NCKAP5: variants seen among roughly 807,000 people sequenced by gnomAD.
The protein encoded by NCKAP5 is nck-associated protein 5.
NCKAP5 carries 92 observed loss-of-function variants against 167.0 expected under a neutral mutation model. The observed-to-expected ratio is 0.55, with a 90% CI of 0.47 to 0.66. The LOEUF (loss-of-function observed/expected upper bound fraction) is 0.66. NCKAP5 is among the 30% of genes least tolerant of loss of function. The pLI, the probability that NCKAP5 is intolerant of heterozygous loss-of-function variation, is 0.00. For synonymous variants in NCKAP5, 891 were observed against 877.4 expected (o/e 1.02, Z -0.27); for missense variants, 2,378 against 2,315.0 (o/e 1.03, Z -0.56).
intron 3 of NCKAP5, among the ~76,000 whole-genome samples, chr2:133,399,903 C>T (rs907966662): frequency 6.6e-6 from 1 of 152,052 alleles, no homozygotes; most frequent in Non-Finnish European, 1.5e-5. Flanking sequence ...CAGAAAAGTT[C>T]CATTGATATT....
intron 12 of NCKAP5, among the ~76,000 whole-genome samples, chr2:132,791,115 C>G (rs746168453): frequency 4.6e-5 from 7 of 152,150 alleles, no homozygotes; most frequent in Non-Finnish European, 8.8e-5. Flanking sequence ...CTTTAATGTC[C>G]TCTTTATAGA....
At chr2:133,530,564 G>A (rs916836986) in intron 2 of NCKAP5, among the ~76,000 whole-genome samples, 5 of 152,106 alleles carry the variant, frequency 3.3e-5, no homozygotes, top group Non-Finnish European at 7.3e-5. Context: ...ACATGAAATG[G>A]GTAGTAGATT....
intron 3 of NCKAP5, among the ~76,000 whole-genome samples, chr2:133,354,388 T>C (rs2150832026): frequency 6.6e-6 from 1 of 151,834 alleles, no homozygotes; most frequent in South Asian, 2.1e-4. Context: ...TCCCAGTAGA[T>C]GGGGCAACAG....
intron 11 of NCKAP5, among the ~76,000 whole-genome samples, chr2:132,827,625 A>ACCTTGT (rs1687222188): frequency 6.6e-6 from 1 of 152,146 alleles, no homozygotes; most frequent in Admixed American, 6.5e-5. Context: ...GGGATAAAAT[A>ACCTTGT]CCTTGTCCAA....
At chr2:133,348,750 G>C (rs1018307099) in intron 3 of NCKAP5, among the ~76,000 whole-genome samples, 1 of 152,120 alleles carries the variant, frequency 6.6e-6, no homozygotes, top group African/African-American at 2.4e-5. Context: ...TGGTTAATAA[G>C]TGAAGGACAA....
Position 133,382,448 on chromosome 2 carries a change from T to G in NCKAP5, c.70-79338A>C, listed in dbSNP as rs561280576. On this transcript the variant is annotated intron_variant, in intron 3 of 19. Coordinates refer to ENST00000409261, the MANE Select transcript of NCKAP5 (RefSeq NM_207363.3). ...CAATACCTTCTCATTGGTTTTAACATGACACTCAAGTCCCTACAGGATCTG... is the reference window on the plus strand; with the variant it reads ...CAATACCTTCTCATTGGTTTTAACAGGACACTCAAGTCCCTACAGGATCTG... Among the ~76,000 whole-genome samples the G allele has an allele frequency of 1.6e-4, 24 of 152,308 alleles. 1 individual carries two copies. In the South Asian group the frequency reaches 5.0e-3, roughly 32 times the overall value.
intron 16 of NCKAP5, among the ~76,000 whole-genome samples, chr2:132,746,647 C>T (rs1316800686): frequency 1.3e-5 from 2 of 152,086 alleles, no homozygotes; most frequent in African/African-American, 4.8e-5. Context: ...TGTTATATGT[C>T]CCCCCAAAGA....
chr2:133,404,258 C>A (rs1023870969), intron 3 of NCKAP5, among the ~76,000 whole-genome samples: 1 of 152,146 alleles, frequency 6.6e-6, no homozygotes, highest in Non-Finnish European at 1.5e-5. Flanking sequence ...AATTGAGCAA[C>A]ATTAATCAAG....
chr2:132,793,314 C>T (rs1028923936), intron 12 of NCKAP5, among the ~76,000 whole-genome samples: 2 of 152,040 alleles, frequency 1.3e-5, no homozygotes, highest in African/African-American at 4.8e-5. Context: ...AGCCGAGATG[C>T]CCTGATGTGA....
chr2:133,417,125 A>T (rs976767522), intron 3 of NCKAP5, among the ~76,000 whole-genome samples: 1 of 79,940 alleles, frequency 1.3e-5, no homozygotes, highest in African/African-American at 7.2e-5. Flanking sequence ...AAGTATGTTA[A>T]AAAAAAAAAA....
intron 16 of NCKAP5, 28 bp from the exon 17 acceptor site, chr2:132,732,079 G>C (rs1365461472): frequency 6.4e-7 from 1 of 1,566,798 alleles, no homozygotes; most frequent in Admixed American, 1.8e-5. Flanking sequence ...AGAGAGAAGG[G>C]AATAGAGAAG....
chr2:133,439,496 C>G lies in NCKAP5; in HGVS notation c.69+77962G>C, dbSNP rs982545229. ...GCCCTATTTCAATGCCGTTTATTTA[C>G]ATGATCCTTGAGCAGGCTGGGCCAT... is the stretch of plus-strand genomic sequence containing the variant. On this transcript the variant is annotated intron_variant, in intron 3 of 19. Transcript: ENST00000409261. Among the ~76,000 whole-genome samples, 10 of 152,236 alleles carry G rather than the reference C, an allele frequency of 6.6e-5. 3 individuals carry two copies. The highest frequency in any genetic ancestry group is 6.5e-4 in the Admixed American group (10 of 15,290).
At chr2:132,773,783 C>G in intron 16 of NCKAP5, 33 bp downstream of exon 16, 1 of 1,511,236 alleles carries the variant, frequency 6.6e-7, no homozygotes. Context: ...GAATAAGTCT[C>G]CATAAAAGAC....
intron 3 of NCKAP5, among the ~76,000 whole-genome samples, chr2:133,355,020 T>A (rs1684614478): frequency 6.6e-6 from 1 of 152,238 alleles, no homozygotes; most frequent in African/African-American, 2.4e-5. Flanking sequence ...GGCCTTCACA[T>A]AGAATCAAAA....
chr2:133,647,372 A>AAGG, the NCKAP5 span, among the ~76,000 whole-genome samples: 13 of 78,202 alleles, frequency 1.7e-4, no homozygotes, highest in African/African-American at 3.8e-4. Context: ...AGGAAGGAAG[A>AAGG]AAGAAAGGAA....
intron 9 of NCKAP5, among the ~76,000 whole-genome samples, chr2:132,872,270 G>C (rs2148777358): frequency 6.6e-6 from 1 of 152,206 alleles, no homozygotes; most frequent in East Asian, 1.9e-4. Context: ...GAATGCCAAG[G>C]AGAGCGCCTG....
chr2:133,438,098 T>A (rs1037256014), intron 3 of NCKAP5, among the ~76,000 whole-genome samples: 6 of 152,350 alleles, frequency 3.9e-5, no homozygotes, highest in South Asian at 4.1e-4. Flanking sequence ...TTCTTTCCTC[T>A]GCAATTCAGC....
the NCKAP5 span, among the ~76,000 whole-genome samples, chr2:133,654,869 G>A: frequency 6.6e-6 from 1 of 152,178 alleles, no homozygotes; most frequent in Non-Finnish European, 1.5e-5. Context: ...TCTTGGAGAT[G>A]CCATAACCTT....
the NCKAP5 span, among the ~76,000 whole-genome samples, chr2:133,576,909 T>G: frequency 1.3e-5 from 2 of 152,208 alleles, no homozygotes; most frequent in Non-Finnish European, 2.9e-5. Context: ...TCATATCAGC[T>G]TGTCAGAGCC....
Sources: allele counts gnomAD v4.1 joint callset (sites outside exome capture counted in the v4.1 genomes callset), GRCh38; gene constraint gnomAD v4.1.1; transcripts MANE v1.5; gene names NCBI Gene and HGNC (gene_info 2026-07-23, HGNC 2026-07-21).